The following HP1BP3 variants were observed in gnomAD, a reference collection of about 807,000 sequenced individuals.
HP1BP3 encodes heterochromatin protein 1-binding protein 3.
HP1BP3 carries 12 observed loss-of-function variants against 62.5 expected under a neutral mutation model. The ratio of observed to expected loss-of-function variants is 0.19; its 90% CI spans 0.12 to 0.31. The LOEUF (loss-of-function observed/expected upper bound fraction) is 0.31, where lower values mean the gene tolerates loss of function less well. Among genes scored for constraint, HP1BP3 ranks in the 10% least tolerant of loss-of-function variants. HP1BP3 has a pLI of 1.00. For synonymous variants in HP1BP3, 260 were observed against 237.8 expected (o/e 1.09, Z -0.86); for missense variants, 502 against 651.8 (o/e 0.77, Z 2.50).
intron 7 of HP1BP3, 34 bp from the exon 8 acceptor site, chr1:20,765,565 T>C (rs759786226): frequency 5.1e-6 from 8 of 1,562,820 alleles, no homozygotes; most frequent in Middle Eastern, 1.7e-4. Context: ...ATGATCATTA[T>C]AGAACGTAAA....
chr1:20,776,071 C>T (rs939233964), intron 4 of HP1BP3: 13 of 1,321,534 alleles, frequency 9.8e-6, no homozygotes, highest in Middle Eastern at 2.7e-4. Flanking sequence ...TATAGATACA[C>T]ATCAATAGCA....
At chr1:20,751,693 A>G (rs2055761972) in intron 9 of HP1BP3, among the ~76,000 whole-genome samples, 1 of 152,038 alleles carries the variant, frequency 6.6e-6, no homozygotes, top group Admixed American at 6.5e-5. Context: ...ACTATACTCC[A>G]GCCTGAGTGA....
chr1:20,746,580 G>T (rs571180203), intron 11 of HP1BP3, among the ~76,000 whole-genome samples: 1 of 152,276 alleles, frequency 6.6e-6, no homozygotes, highest in South Asian at 2.1e-4. Context: ...ATGAAACAAT[G>T]CTTGGACCAC....
chr1:20,783,540 T>TA (rs145326681), intron 1 of HP1BP3, among the ~76,000 whole-genome samples: 5,322 of 137,742 alleles, frequency 0.039, 110 homozygotes, highest in South Asian at 0.05. Flanking sequence ...AACAACAATT[T>TA]AAAAAAAAAA....
At chr1:20,778,851 G>A (rs1285030573) in intron 3 of HP1BP3, among the ~76,000 whole-genome samples, 2 of 150,618 alleles carry the variant, frequency 1.3e-5, no homozygotes, top group East Asian at 1.9e-4. Context: ...ATACAATGGC[G>A]TGATCTCAGC....
chr1:20,767,144 CCT>C (rs2056826471), intron 7 of HP1BP3, among the ~76,000 whole-genome samples: 1 of 152,020 alleles, frequency 6.6e-6, no homozygotes, highest in Non-Finnish European at 1.5e-5. Context: ...ACGGTAAAAC[CCT>C]GTCTCTACTA....
At chr1:20,759,668 T>C (rs1557650744) in intron 8 of HP1BP3, among the ~76,000 whole-genome samples, 1 of 152,090 alleles carries the variant, frequency 6.6e-6, no homozygotes, top group African/African-American at 2.4e-5. Flanking sequence ...GTAACAAGAA[T>C]AATAAAAATA....
At chr1:20,757,355 T>TTTC in intron 8 of HP1BP3, 99 bp from the exon 9 acceptor site, 15 of 509,092 alleles carry the variant, frequency 2.9e-5, no homozygotes, top group South Asian at 2.5e-4. Flanking sequence ...AGAGTTCTGA[T>TTTC]TACTATTATT....
At chr1:20,761,114 G>A (rs985180303) in intron 8 of HP1BP3, among the ~76,000 whole-genome samples, 3 of 152,016 alleles carry the variant, frequency 2.0e-5, no homozygotes, top group Admixed American at 2.0e-4. Context: ...GTGTGATCTT[G>A]GCTCACTGCA....
chr1:20,786,421 A>G (rs958059725), intron 1 of HP1BP3: 2 of 152,340 alleles, frequency 1.3e-5, no homozygotes, highest in Admixed American at 1.3e-4. Flanking sequence ...CAGCGGAGAC[A>G]AAGCAGCGAG....
In HP1BP3 at chr1:20,741,944, G is replaced by T. The variant is rs2055095212; in HGVS notation, c.*2853C>A. On this transcript the variant is annotated 3_prime_UTR_variant, in exon 13 of 13. Coordinates refer to ENST00000438032, the MANE Select transcript of HP1BP3 (RefSeq NM_001372052.1). ...CAAACATTCTTTTATCTCAATGTAA[G>T]TAAGGCGTATGTCTTTGACAGTTGT... Among the ~76,000 whole-genome samples, 1 of 152,232 alleles carries T rather than the reference G, an allele frequency of 6.6e-6. No individual in the cohort carries two copies. Among genetic ancestry groups the T allele is most frequent in the South Asian group, 2.1e-4 (1 of 4,834 alleles).
At chr1:20,780,242 A>T (rs1046902360) in intron 2 of HP1BP3, 103 bp downstream of exon 2, 3 of 815,174 alleles carry the variant, frequency 3.7e-6, no homozygotes, top group Non-Finnish European at 6.4e-6. Context: ...CACAACCTAG[A>T]CTCCCCAAAG....
chr1:20,768,145 G>C (rs954669963), intron 6 of HP1BP3, among the ~76,000 whole-genome samples: 2 of 152,136 alleles, frequency 1.3e-5, no homozygotes, highest in African/African-American at 2.4e-5. Flanking sequence ...CTTATGGGAA[G>C]GGTTATCCAA....
chr1:20,747,440 G>GT, intron 11 of HP1BP3, 104 bp downstream of exon 11: 1 of 736,130 alleles, frequency 1.4e-6, no homozygotes, highest in Non-Finnish European at 2.2e-6. Context: ...AAGGACGACT[G>GT]TATTTCCAGT....
chr1:20,785,929 A>G (rs2057801679), intron 1 of HP1BP3, among the ~76,000 whole-genome samples: 1 of 152,198 alleles, frequency 6.6e-6, no homozygotes, highest in Non-Finnish European at 1.5e-5. Context: ...CTCTAATTTC[A>G]CTCTAAGACA....
intron 1 of HP1BP3, among the ~76,000 whole-genome samples, chr1:20,785,175 G>A (rs577135819): frequency 5.9e-5 from 9 of 152,314 alleles, no homozygotes; most frequent in African/African-American, 2.2e-4. Flanking sequence ...GCCTCCCAAA[G>A]TGTTAGGATT....
chr1:20,745,782 G>A lies in HP1BP3; in HGVS notation c.1254-126C>T, dbSNP rs1167285151. The A allele has an allele frequency of 4.5e-6, 4 of 881,372 alleles. No individual in the cohort carries two copies. In the African/African-American group the frequency reaches 6.8e-5, roughly 15 times the overall value. The allele number at this position is 881,372 out of a possible 1,614,324, so 54.6% of individuals were successfully genotyped here. A position where few individuals can be genotyped will look rare whatever the true frequency, so the allele number is the denominator to read the frequency against. ...ACCCTTCCCAAAAATGTCAAGCTAGGTTACACGTATCAGGTTACAATTTAC... is the reference window on the plus strand; with the variant it reads ...ACCCTTCCCAAAAATGTCAAGCTAGATTACACGTATCAGGTTACAATTTAC... On this transcript the variant is annotated intron_variant, in intron 11 of 12. Transcript: ENST00000438032.
chr1:20,763,974 G>A (rs1045789901), intron 8 of HP1BP3, among the ~76,000 whole-genome samples: 2 of 152,038 alleles, frequency 1.3e-5, no homozygotes, highest in Non-Finnish European at 2.9e-5. Context: ...TTACAGGCGT[G>A]AGCCACCGTG....
chr1:20,783,769 CAAAAAAA>C (rs1164930528), intron 1 of HP1BP3, among the ~76,000 whole-genome samples: 37 of 53,142 alleles, frequency 7.0e-4, no homozygotes, highest in Admixed American at 2.1e-3. Context: ...GACTCTGTCT[CAAAAAAA>C]AAAAAAAAAA....
Sources: allele counts gnomAD v4.1 joint callset (sites outside exome capture counted in the v4.1 genomes callset), GRCh38; gene constraint gnomAD v4.1.1; transcripts MANE v1.5; gene names NCBI Gene and HGNC (gene_info 2026-07-23, HGNC 2026-07-21).